The following ST8SIA6 variants were observed in gnomAD, a reference collection of about 807,000 sequenced individuals.
ST8SIA6 encodes the protein alpha-2,8-sialyltransferase 8F.
ST8SIA6 carries 39 observed loss-of-function variants against 33.6 expected under a neutral mutation model. That is an observed-to-expected ratio of 1.16 (90% CI 0.90 to 1.52). ST8SIA6 has a LOEUF of 1.52. Among genes scored for constraint, ST8SIA6 ranks in the 40% most tolerant of loss-of-function variants. The pLI, the probability that ST8SIA6 is intolerant of heterozygous loss-of-function variation, is 0.00. For synonymous variants in ST8SIA6, 172 were observed against 167.2 expected, an observed-to-expected ratio of 1.03 and a Z score of -0.22; for missense variants, 441 against 443.8, an observed-to-expected ratio of 0.99 and a Z score of 0.06.
intron 2 of ST8SIA6, chr10:17,408,181 C>T (rs1851335611): frequency 6.6e-6 from 1 of 152,572 alleles, no homozygotes; most frequent in Non-Finnish European, 1.5e-5. Context: ...AGGGTTTGTG[C>T]AAGCAAACTG....
At chr10:17,354,895 T>G (rs1027062665) in intron 4 of ST8SIA6, among the ~76,000 whole-genome samples, 1 of 152,200 alleles carries the variant, frequency 6.6e-6, no homozygotes, top group African/African-American at 2.4e-5. Context: ...TTCATGGACT[T>G]CAGATTAAGA....
At chr10:17,439,529 C>G (rs1852398015) in intron 2 of ST8SIA6, among the ~76,000 whole-genome samples, 1 of 152,200 alleles carries the variant, frequency 6.6e-6, no homozygotes, top group South Asian at 2.1e-4. Flanking sequence ...ATCCACCCGC[C>G]TCGGCCTCAG....
At chr10:17,369,994 T>A (rs1233691678) in intron 3 of ST8SIA6, among the ~76,000 whole-genome samples, 2 of 92,390 alleles carry the variant, frequency 2.2e-5, no homozygotes, top group Non-Finnish European at 4.2e-5. Flanking sequence ...AATCACTGAC[T>A]TTTTTTTTTT....
chr10:17,353,285 T>G (rs1849091129), intron 4 of ST8SIA6, among the ~76,000 whole-genome samples: 2 of 152,194 alleles, frequency 1.3e-5, no homozygotes, highest in South Asian at 4.1e-4. Flanking sequence ...AAACTAAGTG[T>G]GATTTTCCAG....
At chr10:17,332,821 T>A (rs1031436896) in intron 4 of ST8SIA6, among the ~76,000 whole-genome samples, 2 of 152,228 alleles carry the variant, frequency 1.3e-5, no homozygotes, top group African/African-American at 2.4e-5. Context: ...TCAGTGATGA[T>A]GAGCTTTTTT....
At chr10:17,401,762 C>A (rs1261390722) in intron 2 of ST8SIA6, among the ~76,000 whole-genome samples, 2 of 152,156 alleles carry the variant, frequency 1.3e-5, no homozygotes, top group African/African-American at 2.4e-5. Context: ...CTTCCTTACA[C>A]CTTGTACAAA....
At chr10:17,433,098 T>G (rs1289807850) in intron 2 of ST8SIA6, among the ~76,000 whole-genome samples, 2 of 152,264 alleles carry the variant, frequency 1.3e-5, no homozygotes, top group Non-Finnish European at 2.9e-5. Flanking sequence ...AAATTTAATT[T>G]GGCTGAAGTT....
chr10:17,335,284 G>T (rs1422922415), intron 4 of ST8SIA6, among the ~76,000 whole-genome samples: 1 of 152,196 alleles, frequency 6.6e-6, no homozygotes, highest in East Asian at 1.9e-4. Flanking sequence ...AAGAAATGTT[G>T]ATGGTAGTGA....
At chr10:17,380,923 GTGTGTGTGTT>G (rs1850126622) in intron 3 of ST8SIA6, among the ~76,000 whole-genome samples, 2 of 147,896 alleles carry the variant, frequency 1.4e-5, no homozygotes, top group Non-Finnish European at 3.1e-5. Flanking sequence ...TTGTGCGTGT[GTGTGTGTGTT>G]TGTGTGTATG....
chr10:17,418,157 C>G (rs993374187), intron 2 of ST8SIA6, among the ~76,000 whole-genome samples: 1 of 152,050 alleles, frequency 6.6e-6, no homozygotes, highest in Non-Finnish European at 1.5e-5. Flanking sequence ...CTCCTGGTCT[C>G]AAGCAATCCT....
chr10:17,322,203 G>C (rs980604856), intron 7 of ST8SIA6, among the ~76,000 whole-genome samples: 3 of 139,376 alleles, frequency 2.2e-5, no homozygotes, highest in African/African-American at 8.2e-5. Context: ...AGACAGAAAG[G>C]AAAGAAAGAG....
chr10:17,368,275 G>C lies in ST8SIA6; in HGVS notation c.291-8675C>G, dbSNP rs1055572365. 9.4e-5 allele frequency among the ~76,000 whole-genome samples: 14 copies of C among 149,414 alleles called. No homozygotes were observed. The East Asian group carries it at 2.7e-3, about 29-fold the overall frequency. ...AAAAAAAAATTACAAAATTAGCCAG[G>C]CATGGTGGCACATGCCAGCTACTCG... On this transcript the variant is annotated intron_variant, in intron 3 of 7. Coordinates refer to ENST00000377602, the MANE Select transcript of ST8SIA6 (RefSeq NM_001004470.3).
At chr10:17,406,509 C>T (rs976386508) in intron 2 of ST8SIA6, among the ~76,000 whole-genome samples, 2 of 152,202 alleles carry the variant, frequency 1.3e-5, no homozygotes, top group Non-Finnish European at 2.9e-5. Context: ...ATGTGCACTG[C>T]ATGCATTAAT....
chr10:17,402,584 C>T (rs964452689), intron 2 of ST8SIA6, among the ~76,000 whole-genome samples: 2 of 152,182 alleles, frequency 1.3e-5, no homozygotes, highest in African/African-American at 2.4e-5. Context: ...CCATGGAATA[C>T]TATGCAGCTA....
chr10:17,337,795 T>C (rs1184047114), intron 4 of ST8SIA6, among the ~76,000 whole-genome samples: 1 of 152,150 alleles, frequency 6.6e-6, no homozygotes, highest in Non-Finnish European at 1.5e-5. Flanking sequence ...ATTGCTCCCT[T>C]CTTGGGTAAA....
chr10:17,414,202 T>C (rs1172896955), intron 2 of ST8SIA6, among the ~76,000 whole-genome samples: 1 of 152,250 alleles, frequency 6.6e-6, no homozygotes, highest in Non-Finnish European at 1.5e-5. Context: ...ACTAGCCAAA[T>C]ACTGCTAGAG....
rs1265346792 is a variant in ST8SIA6, at chr10:17,317,647, A to G, written c.*3231T>C. Among the ~76,000 whole-genome samples the G allele has an allele frequency of 1.3e-5, 2 of 152,168 alleles. No individual in the cohort carries two copies. Among genetic ancestry groups the G allele is most frequent in the African/African-American group, 4.8e-5 (2 of 41,460 alleles). ...TTCCACAAAATTTTCCACTTTTCCC[A>G]AAGCTTCCTAATTCATGGAGTGATT... On this transcript the variant is annotated 3_prime_UTR_variant, in exon 8 of 8. Transcript: ENST00000377602.
At chr10:17,362,423 A>T (rs1438367491) in intron 3 of ST8SIA6, among the ~76,000 whole-genome samples, 1 of 152,222 alleles carries the variant, frequency 6.6e-6, no homozygotes, top group East Asian at 1.9e-4. Flanking sequence ...ATTTTTAAGG[A>T]TCAAATATCT....
In ST8SIA6 at chr10:17,316,023, A is replaced by T. The variant is rs1847763877; in HGVS notation, c.*4855T>A. Among the ~76,000 whole-genome samples, 1 of 152,046 alleles carries T rather than the reference A, an allele frequency of 6.6e-6. No individual in the cohort carries two copies. The highest frequency in any genetic ancestry group is 1.5e-5 in the Non-Finnish European group (1 of 67,924). On this transcript the variant is annotated 3_prime_UTR_variant, in exon 8 of 8. Coordinates refer to ENST00000377602, the MANE Select transcript of ST8SIA6 (RefSeq NM_001004470.3). Reference sequence around the variant, plus strand: ...TAATGCAACCTTATATAAGTTACTTACAATTTTGAGTCAGCTTCTATATTT... The same window carrying T: ...TAATGCAACCTTATATAAGTTACTTTCAATTTTGAGTCAGCTTCTATATTT...
Sources: gnomAD v4.1 joint callset for allele counts (sites outside exome capture counted in the v4.1 genomes callset) on GRCh38, gnomAD v4.1.1 for gene constraint, MANE v1.5 for transcripts, NCBI Gene and HGNC (gene_info 2026-07-23, HGNC 2026-07-21) for gene names.